Variants in FAM163B observed in about 807,000 individuals in gnomAD.
The protein encoded by FAM163B is protein FAM163B.
A neutral mutation model predicts 7.6 loss-of-function variants in FAM163B; 4 were observed. That is an observed-to-expected ratio of 0.52 (90% CI 0.26 to 1.20). The LOEUF is 1.20. Among genes scored for constraint, FAM163B ranks in the 50% most tolerant of loss-of-function variants. FAM163B has a pLI of 0.14. For missense variants in FAM163B, 250 were observed against 243.0 expected (o/e 1.03, Z -0.19); for synonymous variants, 120 against 111.6 (o/e 1.07, Z -0.47).
In FAM163B at chr9:133,589,859, G is replaced by C. The variant is rs909024854; in HGVS notation, c.-23-9613C>G. On this transcript the variant is annotated intron_variant, in intron 1 of 2. Transcript: ENST00000673969. Reference sequence around the variant, plus strand: ...AGATGAGATGCACCAAGAACATTCTGGGCTGCAGTTTCCCGATCTCCCAGC... The same window carrying C: ...AGATGAGATGCACCAAGAACATTCTCGGCTGCAGTTTCCCGATCTCCCAGC... Among the ~76,000 whole-genome samples the C allele has an allele frequency of 2.6e-4, 39 of 152,028 alleles. 1 individual carries two copies. In the East Asian group the frequency reaches 2.9e-3, roughly 11 times the overall value.
In FAM163B at chr9:133,598,415, A is replaced by C. The variant is rs573041367; in HGVS notation, c.-24+10662T>G. Among the ~76,000 whole-genome samples the C allele has an allele frequency of 2.0e-5, 3 of 152,090 alleles. No individual in the cohort carries two copies. In the East Asian group the frequency reaches 5.8e-4, roughly 29 times the overall value. On this transcript the variant is annotated intron_variant, in intron 1 of 2. Coordinates refer to ENST00000673969, the MANE Select transcript of FAM163B (RefSeq NM_001080515.3). The stretch of plus-strand genomic sequence containing the variant: ...AACAAAAGAGAAGTGCATTTGAAAA[A>C]AAAAAAACAACAAACCAAAAAATAT...
chr9:133,590,256 C>CCT (rs1831531073), intron 1 of FAM163B, among the ~76,000 whole-genome samples: 2 of 106,002 alleles, frequency 1.9e-5, no homozygotes, highest in Non-Finnish European at 4.4e-5. Context: ...CCTTCTCTCT[C>CCT]TCCTTCCTTC....
Position 133,577,114 on chromosome 9 carries a change from CAG to C in FAM163B, c.*1906_*1907del, listed in dbSNP as rs1831259451. 1.3e-5 allele frequency among the ~76,000 whole-genome samples: 2 copies of C among 152,218 alleles called. No homozygotes were observed. The highest frequency in any genetic ancestry group is 2.1e-4 in the South Asian group (1 of 4,836). On this transcript the variant is annotated 3_prime_UTR_variant, in exon 3 of 3. Coordinates refer to ENST00000673969, the MANE Select transcript of FAM163B (RefSeq NM_001080515.3). ...ATGTTTTATTGGCTTTCACTTTCCT[CAG>C]GGAGCCAGCGGCTCCCCCAGCAGGT... is the stretch of plus-strand genomic sequence containing the variant.
At chr9:133,589,620 C>T (rs937116375) in intron 1 of FAM163B, among the ~76,000 whole-genome samples, 10 of 73,654 alleles carry the variant, frequency 1.4e-4, no homozygotes, top group African/African-American at 3.0e-4. Flanking sequence ...CAGGGGGCGA[C>T]ACAGCGCGCA....
At chr9:133,590,705 G>A (rs1379514570) in intron 1 of FAM163B, among the ~76,000 whole-genome samples, 1 of 152,158 alleles carries the variant, frequency 6.6e-6, no homozygotes, top group Non-Finnish European at 1.5e-5. Context: ...GGAGAGCCCC[G>A]AGAGCCAGTA....
At chr9:133,581,862 C>A (rs1286829920) in intron 1 of FAM163B, among the ~76,000 whole-genome samples, 1 of 152,216 alleles carries the variant, frequency 6.6e-6, no homozygotes, top group South Asian at 2.1e-4. Flanking sequence ...CCAGTTCTTC[C>A]ATTGCCAGAT....
At chr9:133,590,070 T>TCCTTC (rs1564193441) in intron 1 of FAM163B, among the ~76,000 whole-genome samples, 2 of 14,494 alleles carry the variant, frequency 1.4e-4, no homozygotes, top group Non-Finnish European at 2.8e-4. Context: ...CCCTTCCCCT[T>TCCTTC]CCCTTCCCCT....
intron 1 of FAM163B, among the ~76,000 whole-genome samples, chr9:133,584,290 T>A (rs927227601): frequency 1.6e-4 from 25 of 152,082 alleles, no homozygotes; most frequent in Non-Finnish European, 2.2e-4. Context: ...GTGGCCCAGG[T>A]GATACGAGTC....
intron 1 of FAM163B, among the ~76,000 whole-genome samples, chr9:133,604,761 G>A (rs564596991): frequency 2.9e-4 from 38 of 130,948 alleles, no homozygotes; most frequent in African/African-American, 1.6e-3. Context: ...TCCTAGGGAT[G>A]CTGCTGCTGC....
At chr9:133,596,249 G>A (rs1381811840) in intron 1 of FAM163B, among the ~76,000 whole-genome samples, 2 of 146,112 alleles carry the variant, frequency 1.4e-5, no homozygotes, top group Non-Finnish European at 3.0e-5. Context: ...CGGCTGTGCG[G>A]GGAGCCCCCG....
intron 1 of FAM163B, among the ~76,000 whole-genome samples, chr9:133,605,099 G>A (rs902257177): frequency 6.6e-6 from 1 of 152,242 alleles, no homozygotes; most frequent in African/African-American, 2.4e-5. Context: ...TGGGCCCCGA[G>A]GCCACCTTAC....
chr9:133,602,924 C>A (rs1263862991), intron 1 of FAM163B, among the ~76,000 whole-genome samples: 2 of 152,082 alleles, frequency 1.3e-5, no homozygotes, highest in Non-Finnish European at 2.9e-5. Context: ...TAGTTTTGAA[C>A]CGTTGAGAAG....
At chr9:133,579,484 C>T in intron 2 of FAM163B, 55 bp from the exon 3 acceptor site, 1 of 1,502,110 alleles carries the variant, frequency 6.7e-7, no homozygotes, top group East Asian at 2.4e-5. Flanking sequence ...CCAGAACCGA[C>T]ATGTGGGAAA....
In FAM163B at chr9:133,580,186, A is replaced by C; in HGVS notation, c.38T>G (p.Leu13Trp). 6.2e-7 allele frequency: 1 copy of C among 1,613,592 alleles called. No individual in the cohort carries two copies. Among genetic ancestry groups the C allele is most frequent in the Non-Finnish European group, 8.5e-7 (1 of 1,180,034 alleles). The change falls in exon 2 of 3, where the codon TTG becomes TGG. Residue 13 changes from leucine to tryptophan, a missense_variant. By Grantham distance (61) the Leu-to-Trp change is moderately conservative (BLOSUM62 -2). Transcript: ENST00000673969. ...AGTVVITGGI[L>W]ATVILLCIIA... The stretch of plus-strand genomic sequence containing the variant: ...GATGCAGAGCAAAATCACAGTCGCC[A>C]AGATGCCCCCGGTGATGACCACGGT...
chr9:133,586,426 T>C (rs1270908382), intron 1 of FAM163B, among the ~76,000 whole-genome samples: 2 of 152,194 alleles, frequency 1.3e-5, no homozygotes, highest in East Asian at 1.9e-4. Context: ...GGAAAACTCG[T>C]TCGTGCCCAG....
rs143422146 is a variant in FAM163B, at chr9:133,605,619, G to A, written c.-24+3458C>T. On this transcript the variant is annotated intron_variant, in intron 1 of 2. Transcript: ENST00000673969. ...GGCTGAGAGCGCCCAGAGCACAGGCGGTAACATCCAGCCCAGTGGGATGAT... is the reference window on the plus strand; with the variant it reads ...GGCTGAGAGCGCCCAGAGCACAGGCAGTAACATCCAGCCCAGTGGGATGAT... 6.1e-4 allele frequency among the ~76,000 whole-genome samples: 93 copies of A among 152,314 alleles called. No homozygotes were observed. In the East Asian group the frequency reaches 0.016, roughly 27 times the overall value.
chr9:133,584,757 C>G (rs1831407712), intron 1 of FAM163B, among the ~76,000 whole-genome samples: 1 of 152,108 alleles, frequency 6.6e-6, no homozygotes, highest in South Asian at 2.1e-4. Context: ...AAGGAGAGGG[C>G]CTGTTGGTGC....
At chr9:133,581,125 G>A (rs1831349456) in intron 1 of FAM163B, among the ~76,000 whole-genome samples, 1 of 152,230 alleles carries the variant, frequency 6.6e-6, no homozygotes, top group African/African-American at 2.4e-5. Flanking sequence ...AGGCTGGAGT[G>A]ATGCTGTCAG....
chr9:133,605,782 C>T (rs1462555811), intron 1 of FAM163B, among the ~76,000 whole-genome samples: 2 of 152,172 alleles, frequency 1.3e-5, no homozygotes, highest in Non-Finnish European at 2.9e-5. Context: ...ATAGGAGTGA[C>T]ATTTGGGCAG....
Sources: allele counts gnomAD v4.1 joint callset (sites outside exome capture counted in the v4.1 genomes callset), GRCh38; gene constraint gnomAD v4.1.1; transcripts MANE v1.5; gene names NCBI Gene and HGNC (gene_info 2026-07-23, HGNC 2026-07-21).